Variants in HSPG2 observed in about 807,000 individuals in gnomAD.
HSPG2 encodes basement membrane-specific heparan sulfate proteoglycan core protein.
Under a neutral mutation model 526.6 loss-of-function variants are expected in HSPG2, and 278 were observed. The observed-to-expected ratio is 0.53, with a 90% CI of 0.48 to 0.58. The LOEUF (loss-of-function observed/expected upper bound fraction) is 0.58. Among genes scored for constraint, HSPG2 ranks in the 20% least tolerant of loss-of-function variants. The probability of loss-of-function intolerance (pLI) is 0.00; values close to 1 mark genes in which losing one functional copy is unlikely to be tolerated. For missense variants in HSPG2, 5,354 were observed against 6,099.5 expected (o/e 0.88, Z 4.07); for synonymous variants, 2,465 against 2,555.4 (o/e 0.96, Z 1.07).
chr1:21,864,201 C>CG lies in HSPG2; in HGVS notation c.4638dup (p.Gly1547ArgfsTer18). The stretch of plus-strand genomic sequence containing the variant: ...AGCCCACTCCCGGTGCGCGTGTAGC[C>CG]GGGGGCACAGTCCTAGGGGCAGAGA... On this transcript the variant is annotated frameshift_variant, in exon 37 of 97. Transcript: ENST00000374695. LOFTEE classifies it high-confidence loss of function. The surrounding 1 kb of genome is among the most constrained non-coding windows in gnomAD (Gnocchi z 4.8). The CG allele has an allele frequency of 6.4e-7, 1 of 1,552,070 alleles. No homozygotes were observed. The highest frequency in any genetic ancestry group is 8.7e-7 in the Non-Finnish European group (1 of 1,147,630).
chr1:21,922,188 AG>A lies in HSPG2; in HGVS notation c.63+14966del, dbSNP rs376561524. Among the ~76,000 whole-genome samples, 184 of 152,354 alleles carry A rather than the reference AG, an allele frequency of 1.2e-3. 5 individuals are homozygous for A. The East Asian group carries it at 0.034, about 28-fold the overall frequency. ...TCTCTAATCTTCACCAAAACCCTGC[AG>A]TGTAGGAATTGCCATTCCCACCTGA... On this transcript the variant is annotated intron_variant, in intron 1 of 96. Transcript: ENST00000374695.
At position 21,888,684 on chromosome 1, in the gene HSPG2, C is replaced by T. The variant is rs375624089; in HGVS notation, c.575-618G>A. 1.2e-4 allele frequency: 168 copies of T among 1,365,446 alleles called. No individual in the cohort carries two copies. In the Admixed American group the frequency reaches 1.7e-3, roughly 14 times the overall value. 84.6% of individuals were successfully genotyped at this position (1,365,446 alleles called of 1,614,324 possible). Reference sequence around the variant, plus strand: ...CACTCTCACCTGGTGTCACTGCGACCGCCACAGCGGCCGGCGGGGGTGGGG... The same window carrying T: ...CACTCTCACCTGGTGTCACTGCGACTGCCACAGCGGCCGGCGGGGGTGGGG... On this transcript the variant is annotated intron_variant, in intron 6 of 96. Coordinates refer to ENST00000374695, the MANE Select transcript of HSPG2 (RefSeq NM_005529.7).
Position 21,874,462 on chromosome 1 carries a change from C to T in HSPG2, c.3600G>A (p.Arg1200=), listed in dbSNP as rs367782811. Residue 1200 remains arginine, a synonymous_variant, in exon 28 of 97, where the codon CGG becomes CGA. Coordinates refer to ENST00000374695, the MANE Select transcript of HSPG2 (RefSeq NM_005529.7). ...CQPGYYGDAQ[R]GTPQDCQLCP... is the part of the protein sequence containing the mutation. ...ACAGCTGGCAGTCCTGTGGTGTCCC[C>T]CGCTGGGCGTCCCCGTAGTATCCTG... 44 of 1,612,166 alleles carry T rather than the reference C, an allele frequency of 2.7e-5. No individual in the cohort carries two copies. Among genetic ancestry groups the T allele is most frequent in the Middle Eastern group, 4.2e-4 (2 of 4,790 alleles).
chr1:21,885,353 C>A lies in HSPG2; in HGVS notation c.1177G>T (p.Asp393Tyr). 1 of 1,614,030 alleles carries A rather than the reference C, an allele frequency of 6.2e-7. No homozygotes were observed. Among genetic ancestry groups the A allele is most frequent in the Middle Eastern group, 1.6e-4 (1 of 6,062 alleles). ...PASFHCDEESDCPDRSDEFGC... is the reference protein window; with the variant it reads ...PASFHCDEESYCPDRSDEFGC... ...AACTCGTCGCTCCGGTCAGGACAGT[C>A]GCTCTCCTCGTCACAGTGGAAGCTG... The change falls in exon 10 of 97, where the codon GAC becomes TAC. Residue 393 changes from aspartate to tyrosine, a missense_variant. Physicochemically the swap from Asp to Tyr is radical, Grantham distance 160. Transcript: ENST00000374695.
rs2098013436 is a variant in HSPG2 at position 21,833,473 on chromosome 1, C to T, written c.10972G>A (p.Val3658Met). Residue 3658 changes from valine (V) to methionine (M), a missense_variant, in exon 79 of 97, where the codon GTG (valine) becomes ATG (methionine). By Grantham distance (21) the Val-to-Met change is conservative. Transcript: ENST00000374695. ...GKVKAFAHLQ[V>M]PERVVPYFTQ... is the part of the protein sequence containing the mutation. ...CTTAGGGGTGGTGTCTTACCTGGCA[C>T]CTGCAGGTGGGCAAAGGCTTTGACC... is the stretch of plus-strand genomic sequence containing the variant. The T allele has an allele frequency of 5.0e-6, 8 of 1,614,060 alleles. No homozygotes were observed. In the East Asian group the frequency reaches 1.3e-4, roughly 27 times the overall value.
Position 21,890,569 on chromosome 1 carries a change from A to G in HSPG2, c.354+16T>C, listed in dbSNP as rs556925546. On this transcript the variant is annotated intron_variant, in intron 4 of 96. Coordinates refer to ENST00000374695, the MANE Select transcript of HSPG2 (RefSeq NM_005529.7). This position sits in a 1 kb window ranked among gnomAD's most constrained non-coding sequence, Gnocchi z 4.1. ...CCCGCCACACCCGCGAGCTTCCCAA[A>G]CCCCCTTCACCTCACCGTGTCTACC... 1 of 1,608,210 alleles carries G rather than the reference A, an allele frequency of 6.2e-7. No individual in the cohort carries two copies. The highest frequency in any genetic ancestry group is 1.1e-5 in the South Asian group (1 of 90,924).
rs114342311 is a variant in HSPG2 at position 21,832,496 on chromosome 1, G to A, written c.11206C>T (p.Arg3736Trp). The change falls in exon 81 of 97, where the codon CGG becomes TGG. Residue 3736 changes from arginine (R) to tryptophan (W), a missense_variant and splice_region_variant. Coordinates refer to ENST00000374695, the MANE Select transcript of HSPG2 (RefSeq NM_005529.7). ...AGGTGGGGAGGCTGGGGGTCTCACCGGAACTCGGGCCTTCCCCCCACGAGG... is the reference window on the plus strand; with the variant it reads ...AGGTGGGGAGGCTGGGGGTCTCACCAGAACTCGGGCCTTCCCCCCACGAGG... Reference protein sequence around the residue: ...FGLVGGRPEFRFDAGSGMATI... With the variant: ...FGLVGGRPEFWFDAGSGMATI... The A allele has an allele frequency of 2.5e-5, 41 of 1,613,740 alleles. No individual in the cohort carries two copies. The African/African-American group carries it at 3.1e-4, about 12-fold the overall frequency.
At position 21,875,807 on chromosome 1, in the gene HSPG2, G is replaced by C. The variant is rs1028665796; in HGVS notation, c.3183+56C>G. The stretch of plus-strand genomic sequence containing the variant: ...ACGTCCTGGAGTATTGAATGCCGGA[G>C]AGGCAGGAGCAAGGGCCTGCCCGCA... On this transcript the variant is annotated intron_variant, in intron 24 of 96. Coordinates refer to ENST00000374695, the MANE Select transcript of HSPG2 (RefSeq NM_005529.7). The C allele has an allele frequency of 1.9e-6, 3 of 1,606,796 alleles. No individual in the cohort carries two copies. The South Asian group carries it at 3.3e-5, about 18-fold the overall frequency.
rs773255494 is a variant in HSPG2 at position 21,887,302 on chromosome 1, G to C, written c.991C>G (p.Pro331Ala). 6.2e-7 allele frequency: 1 copy of C among 1,614,064 alleles called. No homozygotes were observed. Among genetic ancestry groups the C allele is most frequent in the Non-Finnish European group, 8.5e-7 (1 of 1,179,960 alleles). Residue 331 changes from proline (P) to alanine (A), a missense_variant, in exon 9 of 97, where the codon CCC becomes GCC. By Grantham distance (27) the Pro-to-Ala change is conservative. Transcript: ENST00000374695. This position sits in a 1 kb window ranked among gnomAD's most constrained non-coding sequence, Gnocchi z 5.0. ...AGGGCACAATGTCCATTCCCGCAGG[G>C]GAACTCGTTGGGCTCACAGGGTGGC... ...PPPPCEPNEF[P>A]CGNGHCALKL...
In HSPG2 at chr1:21,878,499, A is replaced by G. The variant is rs1384159366; in HGVS notation, c.2559-8T>C. On this transcript the variant is annotated splice_region_variant and splice_polypyrimidine_tract_variant and intron_variant, in intron 19 of 96. Coordinates refer to ENST00000374695, the MANE Select transcript of HSPG2 (RefSeq NM_005529.7). ...TCGTATCCGGGGGCACAGCTAGGGGAGAGAGGGGGCCGCCATCAGCACTTC... is the reference window on the plus strand; with the variant it reads ...TCGTATCCGGGGGCACAGCTAGGGGGGAGAGGGGGCCGCCATCAGCACTTC... The G allele has an allele frequency of 6.2e-7, 1 of 1,612,940 alleles. No individual in the cohort carries two copies. Among genetic ancestry groups the G allele is most frequent in the African/African-American group, 1.3e-5 (1 of 74,822 alleles).
intron 75 of HSPG2, 65 bp from the exon 76 acceptor site, chr1:21,835,702 G>T (rs1291404435): frequency 7.9e-7 from 1 of 1,271,964 alleles, no homozygotes; most frequent in Non-Finnish European, 1.1e-6. Flanking sequence ...TTTGCAATTG[G>T]GCTGGGCGTG....
chr1:21,884,559 C>G lies in HSPG2; in HGVS notation c.1623G>C (p.Arg541Ser), dbSNP rs765760046. The G allele has an allele frequency of 5.0e-6, 8 of 1,611,328 alleles. No individual in the cohort carries two copies. Among genetic ancestry groups the G allele is most frequent in the Non-Finnish European group, 1.7e-6 (2 of 1,179,926 alleles). Residue 541 changes from arginine (R) to serine (S), a missense_variant, in exon 13 of 97, where the codon AGG becomes AGC. By Grantham distance (110) the Arg-to-Ser change is moderately radical. Coordinates refer to ENST00000374695, the MANE Select transcript of HSPG2 (RefSeq NM_005529.7). ...AGTCATCGGGTTGGTCAAAGCGCAGCCTGATCTGGTCCCGGAAGCGGCGGG... is the reference window on the plus strand; with the variant it reads ...AGTCATCGGGTTGGTCAAAGCGCAGGCTGATCTGGTCCCGGAAGCGGCGGG... ...QSTRRFRDQIRLRFDQPDDFK... is the reference protein window; with the variant it reads ...QSTRRFRDQISLRFDQPDDFK...
chr1:21,934,804 C>T (rs534056631), intron 1 of HSPG2, among the ~76,000 whole-genome samples: 2 of 152,146 alleles, frequency 1.3e-5, no homozygotes, highest in Non-Finnish European at 2.9e-5. Flanking sequence ...ACTATGCTGG[C>T]CAGGCTGATC....
rs1419062047 is a variant in HSPG2, at chr1:21,854,194, TG to T, written c.6437del (p.Pro2146GlnfsTer26). On this transcript the variant is annotated frameshift_variant and splice_region_variant, in exon 50 of 97. Coordinates refer to ENST00000374695, the MANE Select transcript of HSPG2 (RefSeq NM_005529.7). LOFTEE classifies it high-confidence loss of function. ...HGTHSGPSYT[P>X]VPGSTRPIRI... ...GCCCAGCCACACCTGGCTCCTCACC[TG>T]GGGTGTAGCTGGGGCCAGAATGGGT... 1 of 1,586,428 alleles carries T rather than the reference TG, an allele frequency of 6.3e-7. No homozygotes were observed. The highest frequency in any genetic ancestry group is 8.6e-7 in the Non-Finnish European group (1 of 1,165,250).
chr1:21,892,274 T>C (rs1642419437), intron 3 of HSPG2, among the ~76,000 whole-genome samples: 1 of 152,216 alleles, frequency 6.6e-6, no homozygotes. Context: ...CAGAGGCCCC[T>C]TGTGAGCCAG....
rs886973979 is a variant in HSPG2, at chr1:21,864,572, T to C, written c.4626+271A>G. On this transcript the variant is annotated intron_variant, in intron 36 of 96. Coordinates refer to ENST00000374695, the MANE Select transcript of HSPG2 (RefSeq NM_005529.7). This position sits in a 1 kb window ranked among gnomAD's most constrained non-coding sequence, Gnocchi z 4.8. ...CCAGTGGTTAGGACATGCTAGGCTT[T>C]GGAGTCAATCAGACCCAGGTTCAAA... is the stretch of plus-strand genomic sequence containing the variant. Among the ~76,000 whole-genome samples, 5 of 152,232 alleles carry C rather than the reference T, an allele frequency of 3.3e-5. No individual in the cohort carries two copies. The highest frequency in any genetic ancestry group is 5.9e-5 in the Non-Finnish European group (4 of 68,048).
At chr1:21,888,708 G>T (rs753315779) in intron 6 of HSPG2, 7 of 1,365,392 alleles carry the variant, frequency 5.1e-6, no homozygotes, top group Non-Finnish European at 5.9e-6. Context: ...GCGGGGGTGG[G>T]GGGGTCTGTG....
chr1:21,879,630 C>A (rs1437988592), intron 17 of HSPG2, among the ~76,000 whole-genome samples: 1 of 149,732 alleles, frequency 6.7e-6, no homozygotes, highest in Non-Finnish European at 1.5e-5. Context: ...CCAACACCTC[C>A]CTTGTCTGGA....
Position 21,872,284 on chromosome 1 carries a change from G to C in HSPG2, c.4123C>G (p.Pro1375Ala). ...SRLTGEFTVE[P>A]VPEGAQLSFG... ...GAGAGCTGGGCACCCTCGGGCACGG[G>C]TTCCACAGTGAATTCTCCTGTCAGG... The change falls in exon 33 of 97, where the codon CCC becomes GCC. Residue 1375 changes from proline (P) to alanine (A), a missense_variant. Pro to Ala is a conservative substitution (Grantham distance 27, BLOSUM62 -1). Coordinates refer to ENST00000374695, the MANE Select transcript of HSPG2 (RefSeq NM_005529.7). The surrounding 1 kb of genome is among the most constrained non-coding windows in gnomAD (Gnocchi z 5.5). The C allele has an allele frequency of 6.4e-7, 1 of 1,563,662 alleles. No individual in the cohort carries two copies. Among genetic ancestry groups the C allele is most frequent in the Non-Finnish European group, 8.7e-7 (1 of 1,153,788 alleles).
Sources: allele counts gnomAD v4.1 joint callset (sites outside exome capture counted in the v4.1 genomes callset), GRCh38; gene constraint gnomAD v4.1.1; non-coding constraint Gnocchi (gnomAD v3.1); transcripts MANE v1.5; gene names NCBI Gene and HGNC (gene_info 2026-07-23, HGNC 2026-07-21).